Variants in MTA1 observed in about 807,000 individuals in gnomAD.
The protein encoded by MTA1 is metastasis associated 1, also known as metastasis-associated protein MTA1.
A neutral mutation model predicts 97.0 loss-of-function variants in MTA1; 15 were observed. That is an observed-to-expected ratio of 0.15 (90% CI 0.10 to 0.24). MTA1 has a LOEUF of 0.24. MTA1 is among the 10% of genes least tolerant of loss of function. MTA1 has a pLI of 1.00. For missense variants in MTA1, 709 were observed against 1,015.1 expected (o/e 0.70, Z 4.10); for synonymous variants, 435 against 417.5 (o/e 1.04, Z -0.51).
rs960054315 is a variant in MTA1, at chr14:105,422,260, C to A, written c.28+2197C>A. Among the ~76,000 whole-genome samples the A allele has an allele frequency of 6.6e-6, 1 of 152,116 alleles. No individual in the cohort carries two copies. The highest frequency in any genetic ancestry group is 1.5e-5 in the Non-Finnish European group (1 of 68,004). Reference sequence around the variant, plus strand: ...CGGAACCCTGGGTTCCGGCAGGACCCCGGCAGAGCCCTGTGGTCGCAGTGG... The same window carrying A: ...CGGAACCCTGGGTTCCGGCAGGACCACGGCAGAGCCCTGTGGTCGCAGTGG... On this transcript the variant is annotated intron_variant, in intron 1 of 20. Coordinates refer to ENST00000331320, the MANE Select transcript of MTA1 (RefSeq NM_004689.4). The surrounding 1 kb of genome is among the most constrained non-coding windows in gnomAD (Gnocchi z 4.3).
At position 105,466,426 on chromosome 14, in the gene MTA1, A is replaced by AGGGGGGGGG; in HGVS notation, c.1626_1627insGGGGGGGGG (p.Glu542_Thr543insGlyGlyGly). On this transcript the variant is annotated inframe_insertion and splice_region_variant, in exon 17 of 21. Coordinates refer to ENST00000331320, the MANE Select transcript of MTA1 (RefSeq NM_004689.4). ...GTTCTGCCTGTGTCATTCCCGGCAG[A>AGGGGGGGGG]GACCCACCCCCGCCCCCCCAAGCCT... The AGGGGGGGGG allele has an allele frequency of 1.8e-5, 27 of 1,483,872 alleles. No homozygotes were observed. Among genetic ancestry groups the AGGGGGGGGG allele is most frequent in the Non-Finnish European group, 2.2e-5 (24 of 1,071,068 alleles). The allele number at this position is 1,483,872 out of a possible 1,614,324, so 91.9% of individuals were successfully genotyped here. A position where few individuals can be genotyped will look rare whatever the true frequency, so the allele number is the denominator to read the frequency against.
In MTA1 at chr14:105,424,370, A is replaced by AT. The variant is rs1193699679; in HGVS notation, c.28+4320dup. ...CACCATGCCTGGCTAATGTTTTGTA[A>AT]TTTTTTTTTTTTTGTAGAGACGGGG... On this transcript the variant is annotated intron_variant, in intron 1 of 20. Coordinates refer to ENST00000331320, the MANE Select transcript of MTA1 (RefSeq NM_004689.4). The surrounding 1 kb of genome is among the most constrained non-coding windows in gnomAD (Gnocchi z 4.0). 7.4e-3 allele frequency among the ~76,000 whole-genome samples: 1,062 copies of AT among 143,008 alleles called. 8 individuals are homozygous for AT. The highest frequency in any genetic ancestry group is 0.023 in the African/African-American group (898 of 39,160). The allele number at this position is 143,008 out of a possible 152,430, so 93.8% of individuals were successfully genotyped here.
intron 6 of MTA1, among the ~76,000 whole-genome samples, chr14:105,453,684 A>T (rs2083031636): frequency 6.6e-6 from 1 of 151,996 alleles, no homozygotes; most frequent in Non-Finnish European, 1.5e-5. Context: ...GGTGGTGGGC[A>T]CCTGTAATCC....
intron 2 of MTA1, among the ~76,000 whole-genome samples, chr14:105,443,766 G>A (rs587698737): frequency 3.9e-5 from 6 of 152,236 alleles, no homozygotes; most frequent in Admixed American, 3.3e-4. Context: ...GAGCAATGTG[G>A]TGAAACCCCG....
At chr14:105,445,659 T>G in intron 3 of MTA1, 148 bp downstream of exon 3, 1 of 834,186 alleles carries the variant, frequency 1.2e-6, no homozygotes, top group East Asian at 2.7e-5. Flanking sequence ...TTTTTCTCCC[T>G]TCCACAGTGG....
At chr14:105,469,277 G>T in intron 18 of MTA1, 190 bp from the exon 19 acceptor site, 1 of 650,480 alleles carries the variant, frequency 1.5e-6, no homozygotes, top group East Asian at 2.7e-5. Context: ...AGAGCTGTGG[G>T]GCCACCAGGC....
At chr14:105,470,035 C>A in intron 20 of MTA1, 30 bp from the exon 21 acceptor site, 1 of 1,612,576 alleles carries the variant, frequency 6.2e-7, no homozygotes. Flanking sequence ...CGCACAGCGT[C>A]CCGGCCCTCA....
rs997294844 is a variant in MTA1 at position 105,422,355 on chromosome 14, C to A, written c.28+2292C>A. Among the ~76,000 whole-genome samples, 1 of 152,084 alleles carries A rather than the reference C, an allele frequency of 6.6e-6. No homozygotes were observed. Among genetic ancestry groups the A allele is most frequent in the Non-Finnish European group, 1.5e-5 (1 of 68,016 alleles). ...GAGGTGGGCGTCTGGATTCTTGAGCCCCCAGACAAGAAAGAGGAAGGTGTG... is the reference window on the plus strand; with the variant it reads ...GAGGTGGGCGTCTGGATTCTTGAGCACCCAGACAAGAAAGAGGAAGGTGTG... On this transcript the variant is annotated intron_variant, in intron 1 of 20. Transcript: ENST00000331320. This position sits in a 1 kb window ranked among gnomAD's most constrained non-coding sequence, Gnocchi z 4.3.
chr14:105,469,718 G>A (rs1489354751), intron 19 of MTA1, 123 bp from the exon 20 acceptor site: 1 of 1,392,060 alleles, frequency 7.2e-7, no homozygotes, highest in East Asian at 2.5e-5. Flanking sequence ...CAGGCTGGGG[G>A]TCCGTGTAAC....
At chr14:105,465,318 T>C in intron 16 of MTA1, 135 bp downstream of exon 16, 6 of 701,694 alleles carry the variant, frequency 8.6e-6, no homozygotes, top group Non-Finnish European at 1.3e-5. Context: ...GAACTGTCCT[T>C]TTGGGGTACT....
chr14:105,462,766 G>C (rs1318061677), intron 10 of MTA1, among the ~76,000 whole-genome samples: 4 of 152,082 alleles, frequency 2.6e-5, no homozygotes, highest in African/African-American at 9.7e-5. Flanking sequence ...CTACTCAGGA[G>C]ACAGAGGCAG....
intron 8 of MTA1, among the ~76,000 whole-genome samples, chr14:105,459,151 C>G (rs2083266416): frequency 8.7e-5 from 2 of 22,904 alleles, no homozygotes; most frequent in African/African-American, 1.7e-4. Context: ...GCCCGTGGCC[C>G]CTGGTCCCTG....
chr14:105,449,176 G>A, intron 3 of MTA1, 183 bp from the exon 4 acceptor site: 1 of 566,130 alleles, frequency 1.8e-6, no homozygotes, highest in Non-Finnish European at 3.1e-6. Flanking sequence ...GGCAGCCAGA[G>A]TGGGGGGACG....
rs1262616129 is a variant in MTA1 at position 105,470,378 on chromosome 14, C to CGCGGCTAACTTATTCCGAGAAT, written c.*166_*187dup. 9 of 568,924 alleles carry CGCGGCTAACTTATTCCGAGAAT rather than the reference C, an allele frequency of 1.6e-5. No individual in the cohort carries two copies. The highest frequency in any genetic ancestry group is 2.3e-5 in the Non-Finnish European group (8 of 353,252). The allele number at this position is 568,924 out of a possible 1,614,324, so 35.2% of individuals were successfully genotyped here. On this transcript the variant is annotated 3_prime_UTR_variant, in exon 21 of 21. Transcript: ENST00000331320. ...GACACTGGGGGAGGAGAGGAAGAAGCGCGGCTAACTTATTCCGAGAATGCC... is the reference window on the plus strand; with the variant it reads ...GACACTGGGGGAGGAGAGGAAGAAGCGCGGCTAACTTATTCCGAGAATGCGGCTAACTTATTCCGAGAATGCC...
chr14:105,447,116 T>C (rs113008378), intron 3 of MTA1, among the ~76,000 whole-genome samples: 22 of 152,334 alleles, frequency 1.4e-4, no homozygotes, highest in Middle Eastern at 3.4e-3. Flanking sequence ...CTGGCGGTTC[T>C]TAGTGTTGGA....
chr14:105,466,692 C>A lies in MTA1; in HGVS notation c.1778-15C>A. On this transcript the variant is annotated splice_polypyrimidine_tract_variant and intron_variant, in intron 17 of 20. Coordinates refer to ENST00000331320, the MANE Select transcript of MTA1 (RefSeq NM_004689.4). ...CGCTGTCTTCTCTCCCTCTCTCCCA[C>A]CCCGGCGCTGCCAGGCAACATGAAG... 5 of 1,605,070 alleles carry A rather than the reference C, an allele frequency of 3.1e-6. No individual in the cohort carries two copies. Among genetic ancestry groups the A allele is most frequent in the African/African-American group, 1.3e-5 (1 of 74,862 alleles).
chr14:105,427,684 A>C (rs1307093669), intron 1 of MTA1, among the ~76,000 whole-genome samples: 2 of 152,144 alleles, frequency 1.3e-5, no homozygotes, highest in Non-Finnish European at 2.9e-5. Flanking sequence ...TACTGCAAAC[A>C]ATGAGAATTG....
chr14:105,449,262 C>T (rs1250892518), intron 3 of MTA1, 97 bp from the exon 4 acceptor site: 26 of 1,312,188 alleles, frequency 2.0e-5, no homozygotes, highest in Admixed American at 4.6e-5. Flanking sequence ...TCTGCCCTGC[C>T]CCCTGGCGGC....
intron 1 of MTA1, among the ~76,000 whole-genome samples, chr14:105,434,477 C>G (rs782685228): frequency 7.0e-6 from 1 of 143,680 alleles, no homozygotes; most frequent in South Asian, 2.2e-4. Context: ...GTTAGTAGTA[C>G]GTAGAAAGAG....
Sources: allele counts gnomAD v4.1 joint callset (sites outside exome capture counted in the v4.1 genomes callset), GRCh38; gene constraint gnomAD v4.1.1; non-coding constraint Gnocchi (gnomAD v3.1); transcripts MANE v1.5; gene names NCBI Gene and HGNC (gene_info 2026-07-23, HGNC 2026-07-21).